PPP6R3: variants seen among roughly 807,000 people sequenced by gnomAD.
PPP6R3 encodes the protein serine/threonine-protein phosphatase 6 regulatory subunit 3.
In PPP6R3, 38 loss-of-function variants were observed where a neutral mutation model predicts 110.7. The ratio of observed to expected loss-of-function variants is 0.34; its 90% confidence interval spans 0.26 to 0.45. The LOEUF (loss-of-function observed/expected upper bound fraction) is 0.45. PPP6R3 is among the 20% of genes least tolerant of loss of function. The pLI is 1.00. For missense variants in PPP6R3, 870 were observed against 1,062.4 expected (o/e 0.82, Z 2.52); for synonymous variants, 369 against 373.5 (o/e 0.99, Z 0.14).
chr11:68,539,775 A>C (rs1214063250), intron 3 of PPP6R3, among the ~76,000 whole-genome samples: 1 of 152,206 alleles, frequency 6.6e-6, no homozygotes, highest in Non-Finnish European at 1.5e-5. Flanking sequence ...ATAATTTTTC[A>C]GATAAGACCT....
intron 13 of PPP6R3, among the ~76,000 whole-genome samples, chr11:68,574,667 T>C (rs940887163): frequency 6.6e-6 from 1 of 152,222 alleles, no homozygotes; most frequent in African/African-American, 2.4e-5. Flanking sequence ...AGCATTTCTT[T>C]GATGTCGCTG....
intron 2 of PPP6R3, among the ~76,000 whole-genome samples, chr11:68,533,337 C>T (rs1242111488): frequency 2.0e-5 from 3 of 152,106 alleles, no homozygotes; most frequent in Non-Finnish European, 4.4e-5. Context: ...ATGTCCAATA[C>T]AAAGAAAACT....
chr11:68,468,448 G>A (rs1470034565), intron 1 of PPP6R3, among the ~76,000 whole-genome samples: 2 of 152,186 alleles, frequency 1.3e-5, no homozygotes, highest in African/African-American at 4.8e-5. Context: ...GTGAATGACT[G>A]TCCCTTTTCA....
rs543544665 is a variant in PPP6R3 at position 68,591,266 on chromosome 11, A to ACAGACCTGG, written c.1786-309_1786-301dup. Among the ~76,000 whole-genome samples the ACAGACCTGG allele has an allele frequency of 1.2e-3, 178 of 152,330 alleles. 7 individuals carry two copies. The South Asian group carries it at 0.034, about 29-fold the overall frequency. On this transcript the variant is annotated intron_variant, in intron 17 of 23. Transcript: ENST00000393800. Reference sequence around the variant, plus strand: ...AGTACGGTTGCTTTTCCTTGCTAGGACAGACCTGGGACCGCATCTCCAGGA... The same window carrying ACAGACCTGG: ...AGTACGGTTGCTTTTCCTTGCTAGGACAGACCTGGCAGACCTGGGACCGCATCTCCAGGA...
At chr11:68,523,609 C>T (rs1181085330) in intron 2 of PPP6R3, among the ~76,000 whole-genome samples, 1 of 151,886 alleles carries the variant, frequency 6.6e-6, no homozygotes, top group Non-Finnish European at 1.5e-5. Context: ...GGATCTGTCG[C>T]ACCACTCATT....
At chr11:68,604,703 A>G (rs1317932726) in intron 22 of PPP6R3, among the ~76,000 whole-genome samples, 1 of 152,256 alleles carries the variant, frequency 6.6e-6, no homozygotes, top group African/African-American at 2.4e-5. Flanking sequence ...CTATAAATCA[A>G]TATAAGATAT....
intron 3 of PPP6R3, among the ~76,000 whole-genome samples, chr11:68,544,173 C>T (rs2099335497): frequency 6.6e-6 from 1 of 152,138 alleles, no homozygotes. Flanking sequence ...TCTTTGTAGC[C>T]TCAAACTTGT....
chr11:68,508,070 G>GGGA (rs2099087966), intron 1 of PPP6R3, among the ~76,000 whole-genome samples: 1 of 149,896 alleles, frequency 6.7e-6, no homozygotes, highest in African/African-American at 2.5e-5. Context: ...TGAGAGGATA[G>GGGA]GGAGCAGATT....
chr11:68,579,294 C>T (rs1374282282), intron 14 of PPP6R3, among the ~76,000 whole-genome samples: 1 of 152,198 alleles, frequency 6.6e-6, no homozygotes, highest in Admixed American at 6.5e-5. Flanking sequence ...ACAGTCATTT[C>T]ACACTTCTGA....
chr11:68,581,517 G>A (rs1295135262), intron 14 of PPP6R3, among the ~76,000 whole-genome samples: 1 of 152,194 alleles, frequency 6.6e-6, no homozygotes, highest in Non-Finnish European at 1.5e-5. Context: ...CCCACCATGG[G>A]GTTACACCCC....
intron 5 of PPP6R3, among the ~76,000 whole-genome samples, chr11:68,549,152 A>G (rs1450176135): frequency 2.0e-5 from 3 of 152,170 alleles, no homozygotes; most frequent in Non-Finnish European, 4.4e-5. Context: ...GGGCCTCCCA[A>G]AGTGCTGGGA....
intron 1 of PPP6R3, among the ~76,000 whole-genome samples, chr11:68,471,412 T>C (rs1205384623): frequency 6.6e-6 from 1 of 151,994 alleles, no homozygotes; most frequent in Non-Finnish European, 1.5e-5. Context: ...AAGGAGCAGC[T>C]TTGAGGCCTT....
intron 1 of PPP6R3, among the ~76,000 whole-genome samples, chr11:68,503,854 G>T (rs182529335): frequency 2.6e-5 from 4 of 152,348 alleles, no homozygotes; most frequent in Admixed American, 2.6e-4. Context: ...GCAGAAAAGT[G>T]AAGTATAAAT....
At chr11:68,486,530 G>A (rs1204821491) in intron 1 of PPP6R3, among the ~76,000 whole-genome samples, 7 of 151,172 alleles carry the variant, frequency 4.6e-5, no homozygotes, top group Admixed American at 2.0e-4. Context: ...GCGTGAACCC[G>A]GGAGGCGGAG....
At chr11:68,478,892 G>A (rs1416364393) in intron 1 of PPP6R3, among the ~76,000 whole-genome samples, 5 of 151,932 alleles carry the variant, frequency 3.3e-5, no homozygotes, top group South Asian at 4.1e-4. Context: ...TCCTGACATC[G>A]TGATCCACCT....
rs764733296 is a variant in PPP6R3, at chr11:68,548,169, A to G, written c.517A>G (p.Ile173Val). 39 of 1,614,084 alleles carry G rather than the reference A, an allele frequency of 2.4e-5. No individual in the cohort carries two copies. The highest frequency in any genetic ancestry group is 3.3e-5 in the Non-Finnish European group (39 of 1,180,030). Residue 173 changes from isoleucine to valine, a missense_variant, in exon 5 of 24, where the codon ATC becomes GTC. Ile to Val is a conservative substitution (Grantham distance 29). Transcript: ENST00000393800. ...MDLLLRLLTC[I>V]EPPQPRQDVL... is the part of the protein sequence containing the mutation. Reference sequence around the variant, plus strand: ...TTTGTTGCTCAGGCTCCTGACGTGTATCGAACCTCCACAGCCCAGGCAAGA... The same window carrying G: ...TTTGTTGCTCAGGCTCCTGACGTGTGTCGAACCTCCACAGCCCAGGCAAGA...
At position 68,600,860 on chromosome 11, in the gene PPP6R3, C is replaced by A. The variant is rs2099629684; in HGVS notation, c.2192+366C>A. 5.3e-5 allele frequency among the ~76,000 whole-genome samples: 8 copies of A among 152,336 alleles called. No individual in the cohort carries two copies. The South Asian group carries it at 1.7e-3, about 32-fold the overall frequency. ...AGGAATGAGGTGAAGCCAAGAAATC[C>A]TGACAGGCACAGCACCTCTGTGTGG... On this transcript the variant is annotated intron_variant, in intron 20 of 23. Coordinates refer to ENST00000393800, the MANE Select transcript of PPP6R3 (RefSeq NM_001164161.2).
chr11:68,587,728 T>C (rs2099583284), intron 15 of PPP6R3, 199 bp from the exon 16 acceptor site: 6 of 655,250 alleles, frequency 9.2e-6, no homozygotes, highest in South Asian at 8.4e-5. Flanking sequence ...TTAGAATGAT[T>C]TGTAGACCAA....
At chr11:68,475,053 G>T (rs2098818592) in intron 1 of PPP6R3, among the ~76,000 whole-genome samples, 1 of 152,164 alleles carries the variant, frequency 6.6e-6, no homozygotes, top group Non-Finnish European at 1.5e-5. Flanking sequence ...CTAGGCAGAG[G>T]ACCCTGCGGC....
Sources: allele counts gnomAD v4.1 joint callset (sites outside exome capture counted in the v4.1 genomes callset), GRCh38; gene constraint gnomAD v4.1.1; transcripts MANE v1.5; gene names NCBI Gene and HGNC (gene_info 2026-07-23, HGNC 2026-07-21).